The following EHBP1 variants were observed in gnomAD, a reference collection of about 807,000 sequenced individuals.
EHBP1 encodes the protein EH domain binding protein 1.
Under a neutral mutation model 144.0 loss-of-function variants are expected in EHBP1, and 55 were observed. The ratio of observed to expected loss-of-function variants is 0.38; its 90% CI spans 0.31 to 0.48. The LOEUF is 0.48. Ranked by LOEUF, EHBP1 falls within the 20% of genes least tolerant of loss-of-function variation. The pLI, the probability that EHBP1 is intolerant of heterozygous loss-of-function variation, is 0.98. For missense variants in EHBP1, 1,200 were observed against 1,364.2 expected, an observed-to-expected ratio of 0.88 and a Z score of 1.90; for synonymous variants, 469 against 472.7, an observed-to-expected ratio of 0.99 and a Z score of 0.10.
intron 7 of EHBP1, among the ~76,000 whole-genome samples, chr2:62,845,521 G>T (rs984806800): frequency 6.6e-6 from 1 of 152,024 alleles, no homozygotes; most frequent in African/African-American, 2.4e-5. Flanking sequence ...ACTTACTAGG[G>T]CTATGAATGG....
chr2:62,681,881 T>A (rs1179667243), intron 1 of EHBP1, among the ~76,000 whole-genome samples: 1 of 152,122 alleles, frequency 6.6e-6, no homozygotes, highest in African/African-American at 2.4e-5. Context: ...TCATAAAATA[T>A]TGGAAAGAGC....
intron 3 of EHBP1, among the ~76,000 whole-genome samples, chr2:62,750,608 T>C (rs2039598655): frequency 6.6e-6 from 1 of 152,222 alleles, no homozygotes; most frequent in South Asian, 2.1e-4. Flanking sequence ...ATTATTCCTA[T>C]CCATGAGCGT....
intron 8 of EHBP1, among the ~76,000 whole-genome samples, chr2:62,859,952 A>G (rs1250849600): frequency 1.3e-5 from 2 of 152,040 alleles, no homozygotes; most frequent in African/African-American, 4.8e-5. Context: ...TCTTTTTTTG[A>G]CTGTGTCTGA....
At chr2:62,738,479 C>T (rs1421755103) in intron 2 of EHBP1, among the ~76,000 whole-genome samples, 1 of 152,166 alleles carries the variant, frequency 6.6e-6, no homozygotes, top group Admixed American at 6.5e-5. Context: ...CTCTCAAAAT[C>T]CCCCTCAAAC....
intron 5 of EHBP1, among the ~76,000 whole-genome samples, chr2:62,791,089 C>A (rs1315830584): frequency 1.3e-5 from 2 of 151,862 alleles, no homozygotes; most frequent in African/African-American, 4.8e-5. Flanking sequence ...ACTAAGATAT[C>A]ATCTGGTAAC....
intron 1 of EHBP1, among the ~76,000 whole-genome samples, chr2:62,698,959 GT>G (rs1208232449): frequency 6.6e-6 from 1 of 152,206 alleles, no homozygotes; most frequent in Non-Finnish European, 1.5e-5. Context: ...GGTAAGTGGA[GT>G]TTTGCCTGCT....
chr2:62,716,409 A>G (rs1291253281), intron 2 of EHBP1, among the ~76,000 whole-genome samples: 1 of 152,204 alleles, frequency 6.6e-6, no homozygotes, highest in African/African-American at 2.4e-5. Context: ...GTAGAGAAGC[A>G]TCTTTTGCTA....
At chr2:62,813,713 A>G (rs887717535) in intron 5 of EHBP1, among the ~76,000 whole-genome samples, 1 of 152,190 alleles carries the variant, frequency 6.6e-6, no homozygotes, top group African/African-American at 2.4e-5. Flanking sequence ...ATGTGGAGCC[A>G]AAAGCGATCA....
chr2:62,821,882 T>C (rs1425449690), intron 5 of EHBP1, among the ~76,000 whole-genome samples: 1 of 152,182 alleles, frequency 6.6e-6, no homozygotes, highest in Non-Finnish European at 1.5e-5. Context: ...GTTTCTGGGG[T>C]ACATGAGATG....
chr2:62,892,351 G>A (rs900787047), intron 10 of EHBP1, among the ~76,000 whole-genome samples: 1 of 151,854 alleles, frequency 6.6e-6, no homozygotes, highest in Non-Finnish European at 1.5e-5. Context: ...AACTTCTTGT[G>A]GTAAATCTTC....
chr2:63,013,979 G>T (rs1373517559), intron 19 of EHBP1, among the ~76,000 whole-genome samples: 2 of 152,194 alleles, frequency 1.3e-5, no homozygotes, highest in Non-Finnish European at 2.9e-5. Flanking sequence ...GAATGATTCT[G>T]TGTTGTTCAC....
At chr2:62,868,346 T>C (rs2050198665) in intron 9 of EHBP1, among the ~76,000 whole-genome samples, 1 of 152,076 alleles carries the variant, frequency 6.6e-6, no homozygotes, top group African/African-American at 2.4e-5. Flanking sequence ...ACCATTGTAC[T>C]GCAGCCTGGG....
chr2:62,783,692 C>T (rs1472273211), intron 5 of EHBP1, among the ~76,000 whole-genome samples: 1 of 152,254 alleles, frequency 6.6e-6, no homozygotes, highest in Non-Finnish European at 1.5e-5. Flanking sequence ...CTGCACACAG[C>T]AGGGGAGCCC....
Position 62,918,499 on chromosome 2 carries a change from A to G in EHBP1, c.1186-24219A>G, listed in dbSNP as rs368530253. On this transcript the variant is annotated intron_variant, in intron 10 of 22. Coordinates refer to ENST00000431489, the MANE Select transcript of EHBP1 (RefSeq NM_001142616.3). ...ACTACTCAAGGCCCCAAAAGGAAAC[A>G]TCAGGGATATAAATATAACCTGCAA... is the stretch of plus-strand genomic sequence containing the variant. Among the ~76,000 whole-genome samples the G allele has an allele frequency of 4.9e-4, 74 of 152,322 alleles. 1 individual carries two copies. Among genetic ancestry groups the G allele is most frequent in the African/African-American group, 1.6e-3 (66 of 41,578 alleles).
chr2:62,729,432 A>AATTATAAAT (rs1553380030), intron 2 of EHBP1, among the ~76,000 whole-genome samples: 1 of 111,522 alleles, frequency 9.0e-6, no homozygotes, highest in Non-Finnish European at 1.7e-5. Flanking sequence ...ATAATATAAT[A>AATTATAAAT]ATAATAAATA....
At chr2:62,686,557 G>A (rs1368485815) in intron 1 of EHBP1, among the ~76,000 whole-genome samples, 3 of 152,124 alleles carry the variant, frequency 2.0e-5, no homozygotes, top group East Asian at 1.9e-4. Flanking sequence ...AATTATCACC[G>A]TATTGCTCTC....
intron 10 of EHBP1, among the ~76,000 whole-genome samples, chr2:62,900,684 GTA>G (rs147278087): frequency 6.7e-4 from 94 of 141,166 alleles, no homozygotes; most frequent in East Asian, 7.9e-4. Context: ...GTGTGTATGT[GTA>G]TATATATATA....
chr2:62,698,870 G>C (rs1359547105), intron 1 of EHBP1, among the ~76,000 whole-genome samples: 1 of 152,160 alleles, frequency 6.6e-6, no homozygotes, highest in Non-Finnish European at 1.5e-5. Flanking sequence ...TTGAAAGCTG[G>C]GTTTATTTTC....
intron 2 of EHBP1, among the ~76,000 whole-genome samples, chr2:62,730,196 C>G (rs1008223444): frequency 6.6e-6 from 1 of 151,866 alleles, no homozygotes; most frequent in African/African-American, 2.4e-5. Flanking sequence ...GCCCCTATTT[C>G]CCCCCACTTA....
Sources: gnomAD v4.1 joint callset for allele counts (sites outside exome capture counted in the v4.1 genomes callset) on GRCh38, gnomAD v4.1.1 for gene constraint, MANE v1.5 for transcripts, NCBI Gene and HGNC (gene_info 2026-07-23, HGNC 2026-07-21) for gene names.